The following MMP12 variants were observed in gnomAD, a reference collection of about 807,000 sequenced individuals.
MMP12 encodes the protein matrix metallopeptidase 12, also known as macrophage metalloelastase.
MMP12 carries 51 observed loss-of-function variants against 45.2 expected under a neutral mutation model. The ratio of observed to expected loss-of-function variants is 1.13; its 90% CI spans 0.90 to 1.42. MMP12 has a LOEUF of 1.42. Ranked by LOEUF, MMP12 falls within the 40% of genes most tolerant of loss-of-function variation. The pLI is 0.00. For missense variants in MMP12, 530 were observed against 570.8 expected (o/e 0.93, Z 0.73); for synonymous variants, 210 against 193.3 (o/e 1.09, Z -0.72).
chr11:102,867,335 A>G lies in MMP12; in HGVS notation c.846T>C (p.Cys282=). Residue 282 remains cysteine, a synonymous_variant, in exon 6 of 10, where the codon TGT becomes TGC. Transcript: ENST00000571244. ...PNPDNSEPAL[C]DPNLSFDAVT... ...CAGCATCAAAACTCAAATTGGGGTCACAGAGAGCTGGTTCTGAATTGTCAG... is the reference window on the plus strand; with the variant it reads ...CAGCATCAAAACTCAAATTGGGGTCGCAGAGAGCTGGTTCTGAATTGTCAG... The G allele has an allele frequency of 6.2e-7, 1 of 1,611,414 alleles. No homozygotes were observed. Among genetic ancestry groups the G allele is most frequent in the African/African-American group, 1.3e-5 (1 of 75,010 alleles).
intron 9 of MMP12, 144 bp from the exon 10 acceptor site, chr11:102,863,344 G>A: frequency 2.0e-6 from 1 of 504,954 alleles, no homozygotes; most frequent in Non-Finnish European, 3.4e-6. Context: ...CACACTTTGA[G>A]AGGCTGAGAT....
Position 102,865,940 on chromosome 11 carries a change from G to A in MMP12, c.1046-5C>T. 1 of 1,599,358 alleles carries A rather than the reference G, an allele frequency of 6.3e-7. No individual in the cohort carries two copies. The highest frequency in any genetic ancestry group is 8.5e-7 in the Non-Finnish European group (1 of 1,170,994). ...TAATTAACCAGTATTTGTCATCTGTGAAGACAAAGAAATAGGGTAAATTTG... is the reference window on the plus strand; with the variant it reads ...TAATTAACCAGTATTTGTCATCTGTAAAGACAAAGAAATAGGGTAAATTTG... On this transcript the variant is annotated splice_region_variant and splice_polypyrimidine_tract_variant and intron_variant, in intron 7 of 9. Coordinates refer to ENST00000571244, the MANE Select transcript of MMP12 (RefSeq NM_002426.6). The surrounding 1 kb of genome is among the most constrained non-coding windows in gnomAD (Gnocchi z 4.1).
chr11:102,866,093 T>C (rs1201803514), intron 7 of MMP12, among the ~76,000 whole-genome samples, 158 bp from the exon 8 acceptor site: 1 of 152,218 alleles, frequency 6.6e-6, no homozygotes, highest in East Asian at 1.9e-4. Context: ...CCCATGGTTT[T>C]TTTTCACAAG....
intron 4 of MMP12, 148 bp from the exon 5 acceptor site, chr11:102,868,217 T>G: frequency 1.4e-6 from 1 of 706,982 alleles, no homozygotes; most frequent in Non-Finnish European, 2.3e-6. Flanking sequence ...TCTCAGCACT[T>G]CTGACATTAC....
intron 1 of MMP12, among the ~76,000 whole-genome samples, chr11:102,874,028 C>CA (rs35364937): frequency 0.41 from 39,395 of 97,180 alleles, 6,398 homozygotes; most frequent in East Asian, 0.52. Flanking sequence ...AACCCTGTCT[C>CA]AAAAAAAAAA....
intron 5 of MMP12, 76 bp from the exon 6 acceptor site, chr11:102,867,469 A>G: frequency 3.0e-6 from 4 of 1,335,126 alleles, no homozygotes; most frequent in South Asian, 1.7e-5. Flanking sequence ...TATGTTTTAA[A>G]TACTCAATTT....
At chr11:102,868,994 C>G (rs1436328519) in intron 4 of MMP12, among the ~76,000 whole-genome samples, 2 of 151,754 alleles carry the variant, frequency 1.3e-5, no homozygotes, top group Non-Finnish European at 1.5e-5. Flanking sequence ...CTTTTGAGTC[C>G]CATAAGAAAT....
chr11:102,872,072 G>A, intron 2 of MMP12, 120 bp from the exon 3 acceptor site: 15 of 1,162,950 alleles, frequency 1.3e-5, no homozygotes, highest in Non-Finnish European at 1.6e-5. Flanking sequence ...CAAGAGTCCA[G>A]ATTTTAAAAC....
At chr11:102,863,962 C>G (rs1859337634) in intron 9 of MMP12, among the ~76,000 whole-genome samples, 184 bp downstream of exon 9, 1 of 152,180 alleles carries the variant, frequency 6.6e-6, no homozygotes, top group Non-Finnish European at 1.5e-5. Flanking sequence ...CTTGTGCCAC[C>G]AGCCCCTGCT....
chr11:102,868,196 G>C, intron 4 of MMP12, 127 bp from the exon 5 acceptor site: 4 of 853,826 alleles, frequency 4.7e-6, no homozygotes, highest in Non-Finnish European at 7.2e-6. Flanking sequence ...CTTTTGAGTT[G>C]GGTTTCTCAA....
Position 102,873,105 on chromosome 11 carries a change from A to C in MMP12, c.110T>G (p.Leu37Ter). ...KNNVLFGERY[L>*]EKFYGLEINK... The stretch of plus-strand genomic sequence containing the variant: ...TATCTCAAGGCCATAAAATTTTTCT[A>C]AGTATCTCTGGAAAAAAAAATACAT... Residue 37 changes from leucine (L) to a stop codon, truncating the protein, a stop_gained, in exon 2 of 10, where the codon TTA becomes TGA. Coordinates refer to ENST00000571244, the MANE Select transcript of MMP12 (RefSeq NM_002426.6). LOFTEE classifies it high-confidence loss of function. The C allele has an allele frequency of 6.2e-7, 1 of 1,611,434 alleles. No homozygotes were observed. The highest frequency in any genetic ancestry group is 8.5e-7 in the Non-Finnish European group (1 of 1,178,888).
intron 9 of MMP12, 63 bp from the exon 10 acceptor site, chr11:102,863,263 A>G (rs1859325230): frequency 5.3e-6 from 5 of 937,306 alleles, no homozygotes; most frequent in Non-Finnish European, 8.4e-6. Context: ...AACAACAACA[A>G]CAACACAAAT....
At chr11:102,863,479 A>T (rs505770) in intron 9 of MMP12, among the ~76,000 whole-genome samples, 20,251 of 152,066 alleles carry the variant, frequency 0.13, 2,320 homozygotes, top group African/African-American at 0.31. Flanking sequence ...AGGACATAAA[A>T]GTTGAGGGCC....
intron 6 of MMP12, among the ~76,000 whole-genome samples, chr11:102,866,678 T>C (rs1010518021): frequency 1.3e-5 from 2 of 152,168 alleles, no homozygotes; most frequent in East Asian, 3.8e-4. Flanking sequence ...ACCCTGGAGC[T>C]TGGAATCCAG....
In MMP12 at chr11:102,868,037, T is replaced by G. The variant is rs199654990; in HGVS notation, c.658A>C (p.Ile220Leu). Residue 220 changes from isoleucine (I) to leucine (L), a missense_variant, in exon 5 of 10, where the codon ATT (isoleucine) becomes CTT (leucine). By Grantham distance (5) the Ile-to-Leu change is conservative. Coordinates refer to ENST00000571244, the MANE Select transcript of MMP12 (RefSeq NM_002426.6). ...TNLFLTAVHEIGHSLGLGHSS... is the reference protein window; with the variant it reads ...TNLFLTAVHELGHSLGLGHSS... ...TGGCCAAGACCTAAGGAATGGCCAA[T>G]CTCGTGAACAGCAGTGAGGAACAAG... 125 of 1,602,372 alleles carry G rather than the reference T, an allele frequency of 7.8e-5. 2 individuals are homozygous for G. The South Asian group carries it at 1.3e-3, about 17-fold the overall frequency.
intron 2 of MMP12, among the ~76,000 whole-genome samples, chr11:102,872,210 T>G (rs1490295156): frequency 6.6e-6 from 1 of 152,260 alleles, no homozygotes; most frequent in Non-Finnish European, 1.5e-5. Context: ...TAGAAGGTTA[T>G]GCTTTTTGCT....
chr11:102,866,055 T>A, intron 7 of MMP12, 120 bp from the exon 8 acceptor site: 6 of 895,042 alleles, frequency 6.7e-6, no homozygotes, highest in Non-Finnish European at 9.8e-6. Context: ...TGCTTATTGA[T>A]CTTAAACATA....
At chr11:102,866,089 GT>G (rs1430139060) in intron 7 of MMP12, among the ~76,000 whole-genome samples, 154 bp from the exon 8 acceptor site, 2 of 151,438 alleles carry the variant, frequency 1.3e-5, no homozygotes, top group Non-Finnish European at 2.9e-5. Flanking sequence ...GGTTCCCATG[GT>G]TTTTTTTCAC....
intron 4 of MMP12, among the ~76,000 whole-genome samples, chr11:102,868,967 C>T (rs1007604389): frequency 1.3e-5 from 2 of 152,040 alleles, no homozygotes; most frequent in Admixed American, 6.6e-5. Context: ...AATAGTCTGG[C>T]TTTATATCTG....
Sources: allele counts gnomAD v4.1 joint callset (sites outside exome capture counted in the v4.1 genomes callset), GRCh38; gene constraint gnomAD v4.1.1; non-coding constraint Gnocchi (gnomAD v3.1); transcripts MANE v1.5; gene names NCBI Gene and HGNC (gene_info 2026-07-23, HGNC 2026-07-21).